Variants in MOK observed in about 807,000 individuals in gnomAD.
The protein encoded by MOK is MAPK/MAK/MRK overlapping kinase.
A neutral mutation model predicts 54.2 loss-of-function variants in MOK; 59 were observed. That is an observed-to-expected ratio of 1.09 (90% CI 0.88 to 1.35). The LOEUF is 1.35. Ranked by LOEUF, MOK falls within the 40% of genes most tolerant of loss-of-function variation. The probability of loss-of-function intolerance (pLI) is 0.00; values close to 1 mark genes in which losing one functional copy is unlikely to be tolerated. For missense variants in MOK, 517 were observed against 526.2 expected (o/e 0.98, Z 0.17); for synonymous variants, 210 against 202.7 (o/e 1.04, Z -0.31).
chr14:102,215,027 A>G, the MOK span: 6 of 972,892 alleles, frequency 6.2e-6, no homozygotes, highest in Non-Finnish European at 7.3e-6. Flanking sequence ...TTCAGTAGTC[A>G]TTTTCACATC....
At position 102,251,907 on chromosome 14, in the gene MOK, G is replaced by A. The variant is rs778076816; in HGVS notation, c.362+10C>T. On this transcript the variant is annotated intron_variant, in intron 5 of 11. Transcript: ENST00000361847. ...TTAATTTCAGAGCTGTCAAATCTCC[G>A]AGAGCATACCTGTGAATATGATCCA... 9.5e-6 allele frequency: 15 copies of A among 1,586,056 alleles called. No homozygotes were observed. Among genetic ancestry groups the A allele is most frequent in the Middle Eastern group, 1.7e-4 (1 of 6,002 alleles).
intron 2 of MOK, among the ~76,000 whole-genome samples, chr14:102,273,373 A>C (rs1054134032): frequency 4.6e-5 from 7 of 152,172 alleles, no homozygotes; most frequent in African/African-American, 1.2e-4. Context: ...TATGGCTAAC[A>C]ATGGGAAATA....
chr14:102,288,976 C>T (rs2070449218), intron 1 of MOK, among the ~76,000 whole-genome samples: 1 of 152,124 alleles, frequency 6.6e-6, no homozygotes, highest in African/African-American at 2.4e-5. Flanking sequence ...AACCTCGGCT[C>T]ACTGCAACCT....
chr14:102,297,667 G>A (rs1001169089), intron 1 of MOK, among the ~76,000 whole-genome samples: 18 of 152,324 alleles, frequency 1.2e-4, no homozygotes, highest in African/African-American at 4.3e-4. Context: ...GGAGGAAGAG[G>A]CACCGCGAGG....
intron 2 of MOK, among the ~76,000 whole-genome samples, chr14:102,270,512 A>G (rs1200247974): frequency 6.6e-6 from 1 of 152,172 alleles, no homozygotes; most frequent in Non-Finnish European, 1.5e-5. Context: ...AAGGCAGGAG[A>G]ATCAGTTGGA....
At chr14:102,280,235 G>T (rs2069277064) in intron 2 of MOK, among the ~76,000 whole-genome samples, 1 of 151,880 alleles carries the variant, frequency 6.6e-6, no homozygotes, top group Non-Finnish European at 1.5e-5. Flanking sequence ...GTGAGACAGG[G>T]TCTCACTCTG....
chr14:102,289,860 T>C (rs2070561093), intron 1 of MOK, among the ~76,000 whole-genome samples: 1 of 152,170 alleles, frequency 6.6e-6, no homozygotes, highest in Non-Finnish European at 1.5e-5. Context: ...TACTGTGAGG[T>C]GTAAGGAGAT....
At chr14:102,273,336 CA>C (rs1019672796) in intron 2 of MOK, among the ~76,000 whole-genome samples, 1 of 143,676 alleles carries the variant, frequency 7.0e-6, no homozygotes, top group Non-Finnish European at 1.5e-5. Flanking sequence ...ACAAAGTAAA[CA>C]AAAATTAATT....
intron 2 of MOK, among the ~76,000 whole-genome samples, chr14:102,279,800 A>C (rs1270790125): frequency 6.6e-6 from 1 of 152,136 alleles, no homozygotes; most frequent in African/African-American, 2.4e-5. Context: ...CCTCCCTGCC[A>C]CAGTACTAAT....
At chr14:102,248,777 CAAAAAAAA>C (rs1228394075) in intron 7 of MOK, among the ~76,000 whole-genome samples, 1 of 49,146 alleles carries the variant, frequency 2.0e-5, no homozygotes, top group Non-Finnish European at 4.2e-5. Context: ...GACTCCGTCT[CAAAAAAAA>C]AAAAAAAAAA....
At chr14:102,299,624 C>A (rs906253952) in intron 1 of MOK, among the ~76,000 whole-genome samples, 1 of 152,118 alleles carries the variant, frequency 6.6e-6, no homozygotes, top group Non-Finnish European at 1.5e-5. Context: ...CTTCCTTTGA[C>A]ATCCAGGCTG....
chr14:102,284,595 G>A (rs1382446894), intron 1 of MOK, among the ~76,000 whole-genome samples: 1 of 152,138 alleles, frequency 6.6e-6, no homozygotes, highest in African/African-American at 2.4e-5. Context: ...CCAAATAATA[G>A]GAGAGTAAGA....
Position 102,245,552 on chromosome 14 carries a change from C to T in MOK, c.590+5260G>A, listed in dbSNP as rs1053634540. On this transcript the variant is annotated intron_variant, in intron 7 of 11. Coordinates refer to ENST00000361847, the MANE Select transcript of MOK (RefSeq NM_014226.3). This position sits in a 1 kb window ranked among gnomAD's most constrained non-coding sequence, Gnocchi z 4.3. ...TTCTCAGAAGCTCCCCAACTGAGCACCTTGTGACCCCCTCCGCCTGCCCCT... is the reference window on the plus strand; with the variant it reads ...TTCTCAGAAGCTCCCCAACTGAGCATCTTGTGACCCCCTCCGCCTGCCCCT... Among the ~76,000 whole-genome samples the T allele has an allele frequency of 6.6e-6, 1 of 152,094 alleles. No individual in the cohort carries two copies. The highest frequency in any genetic ancestry group is 1.5e-5 in the Non-Finnish European group (1 of 68,020).
intron 7 of MOK, among the ~76,000 whole-genome samples, chr14:102,237,147 T>C (rs1032852265): frequency 1.3e-5 from 2 of 152,196 alleles, no homozygotes; most frequent in Admixed American, 1.3e-4. Context: ...CCCTCAAGGC[T>C]TCAGAGATAA....
Position 102,245,281 on chromosome 14 carries a change from C to T in MOK, c.590+5531G>A, listed in dbSNP as rs763979837. ...TTCCCACGCCACCCCTAATCCCACTCGAAGCAGCCCTGAGAAACATCGCCC... is the reference window on the plus strand; with the variant it reads ...TTCCCACGCCACCCCTAATCCCACTTGAAGCAGCCCTGAGAAACATCGCCC... On this transcript the variant is annotated intron_variant, in intron 7 of 11. Transcript: ENST00000361847. The surrounding 1 kb of genome is among the most constrained non-coding windows in gnomAD (Gnocchi z 4.3). Among the ~76,000 whole-genome samples, 14 of 152,084 alleles carry T rather than the reference C, an allele frequency of 9.2e-5. No individual in the cohort carries two copies. Among genetic ancestry groups the T allele is most frequent in the Non-Finnish European group, 1.3e-4 (9 of 68,022 alleles).
intron 1 of MOK, among the ~76,000 whole-genome samples, chr14:102,288,611 CATTAG>C (rs751249247): frequency 1.6e-4 from 24 of 152,150 alleles, no homozygotes; most frequent in Non-Finnish European, 3.1e-4. Flanking sequence ...AATATTTTAA[CATTAG>C]ATTATAGTTA....
Position 102,232,501 on chromosome 14 carries a change from G to C in MOK, c.866+34C>G, listed in dbSNP as rs745923722. On this transcript the variant is annotated intron_variant, in intron 9 of 11. Coordinates refer to ENST00000361847, the MANE Select transcript of MOK (RefSeq NM_014226.3). The surrounding 1 kb of genome is among the most constrained non-coding windows in gnomAD (Gnocchi z 5.1). ...CCATGGGTCTCATTTGCCAGGTCCT[G>C]CATCTGCCCCACCGAACCCACGAGA... The C allele has an allele frequency of 6.3e-6, 10 of 1,595,150 alleles. No homozygotes were observed. In the South Asian group the frequency reaches 1.1e-4, roughly 18 times the overall value.
chr14:102,257,895 T>C (rs976652385), intron 4 of MOK, among the ~76,000 whole-genome samples: 17 of 151,276 alleles, frequency 1.1e-4, no homozygotes, highest in African/African-American at 4.1e-4. Context: ...GAGAATTGCT[T>C]GAATCCGGGA....
At chr14:102,223,172 T>TATAATATATACATATATAC (rs2064108838), downstream of MOK, 1 of 210,134 alleles carries the variant, frequency 4.8e-6, no homozygotes, top group South Asian at 9.0e-5. Flanking sequence ...TTCATATATA[T>TATAATATATACATATATAC]ATAATATATA....
Sources: gnomAD v4.1 joint callset for allele counts (sites outside exome capture counted in the v4.1 genomes callset) on GRCh38, gnomAD v4.1.1 for gene constraint, Gnocchi (gnomAD v3.1) non-coding constraint, MANE v1.5 for transcripts, NCBI Gene and HGNC (gene_info 2026-07-23, HGNC 2026-07-21) for gene names.